The following KANSL1 variants were observed in gnomAD, a reference collection of about 807,000 sequenced individuals.
The protein encoded by KANSL1 is KAT8 regulatory NSL complex subunit 1.
Under a neutral mutation model 103.6 loss-of-function variants are expected in KANSL1, and 22 were observed. That is an observed-to-expected ratio of 0.21 (90% CI 0.15 to 0.30). KANSL1 has a LOEUF of 0.30. Ranked by LOEUF, KANSL1 falls within the 10% of genes least tolerant of loss-of-function variation. The pLI is 1.00. For synonymous variants in KANSL1, 600 were observed against 527.6 expected, an observed-to-expected ratio of 1.14 and a Z score of -1.88; for missense variants, 1,337 against 1,399.8, an observed-to-expected ratio of 0.96 and a Z score of 0.72.
At chr17:46,071,102 A>G (rs1046052132) in intron 4 of KANSL1, among the ~76,000 whole-genome samples, 11 of 152,220 alleles carry the variant, frequency 7.2e-5, no homozygotes, top group African/African-American at 2.2e-4. Flanking sequence ...TTTAAATGCT[A>G]TTCAGCTTTA....
intron 2 of KANSL1, among the ~76,000 whole-genome samples, chr17:46,168,895 C>T (rs1425901855): frequency 1.3e-5 from 2 of 152,188 alleles, no homozygotes; most frequent in African/African-American, 4.8e-5. Flanking sequence ...GAATGAATGG[C>T]CTTAAGGTTT....
At chr17:46,135,135 AAGCAC>A (rs2044061931) in intron 2 of KANSL1, among the ~76,000 whole-genome samples, 1 of 151,648 alleles carries the variant, frequency 6.6e-6, no homozygotes, top group Admixed American at 6.6e-5. Context: ...TTTTTTGAAG[AAGCAC>A]AGGGAGAAAT....
intron 2 of KANSL1, among the ~76,000 whole-genome samples, chr17:46,162,488 C>T (rs1376109997): frequency 2.0e-5 from 3 of 152,236 alleles, no homozygotes; most frequent in Non-Finnish European, 4.4e-5. Flanking sequence ...TCATCTGCTC[C>T]TTCTCCATCT....
At chr17:46,116,615 G>A (rs1461910142) in intron 2 of KANSL1, among the ~76,000 whole-genome samples, 1 of 152,208 alleles carries the variant, frequency 6.6e-6, no homozygotes, top group African/African-American at 2.4e-5. Context: ...AGTAGATCAG[G>A]AAGGAATAAT....
At chr17:46,200,433 A>C (rs891892859) in intron 1 of KANSL1, among the ~76,000 whole-genome samples, 3 of 152,212 alleles carry the variant, frequency 2.0e-5, no homozygotes, top group African/African-American at 4.8e-5. Flanking sequence ...TGTACAAGGC[A>C]AAACACACCT....
intron 3 of KANSL1, among the ~76,000 whole-genome samples, chr17:46,087,386 A>C (rs1354146997): frequency 1.3e-5 from 2 of 152,208 alleles, no homozygotes; most frequent in Non-Finnish European, 2.9e-5. Flanking sequence ...TCACACCAAA[A>C]AGGATGAAAA....
At chr17:46,149,898 T>C (rs1311186413) in intron 2 of KANSL1, among the ~76,000 whole-genome samples, 2 of 151,656 alleles carry the variant, frequency 1.3e-5, no homozygotes, top group African/African-American at 4.9e-5. Flanking sequence ...GGCGGGCGCC[T>C]GTAATCCCAG....
chr17:46,203,670 C>T (rs1358107641), intron 1 of KANSL1, among the ~76,000 whole-genome samples: 1 of 152,214 alleles, frequency 6.6e-6, no homozygotes, highest in Non-Finnish European at 1.5e-5. Context: ...GCTTCCAATT[C>T]CATTTTCTTC....
In KANSL1 at chr17:46,172,113, C is replaced by T. The variant is rs775472991; in HGVS notation, c.31G>A (p.Ala11Thr). 1.5e-5 allele frequency: 24 copies of T among 1,609,604 alleles called. No homozygotes were observed. Among genetic ancestry groups the T allele is most frequent in the East Asian group, 1.1e-4 (5 of 44,896 alleles). ...CGGATATGGTGTGCTTCAGCTGCTG[C>T]GTCAGTGAGAGCGGGCGCCATCGCA... MAAMAPALTD[A>T]AAEAHHIRFK... The change falls in exon 2 of 15, where the codon GCA (alanine) becomes ACA (threonine). Residue 11 changes from alanine (A) to threonine (T), a missense_variant. Coordinates refer to ENST00000432791, the MANE Select transcript of KANSL1 (RefSeq NM_015443.4).
intron 6 of KANSL1, among the ~76,000 whole-genome samples, chr17:46,052,509 G>T (rs1195551727): frequency 1.3e-5 from 2 of 152,082 alleles, no homozygotes; most frequent in African/African-American, 4.8e-5. Context: ...GGAGGCTGAG[G>T]CAGGAGAATC....
chr17:46,083,202 A>T (rs537504926), intron 3 of KANSL1, among the ~76,000 whole-genome samples: 1 of 152,312 alleles, frequency 6.6e-6, no homozygotes, highest in East Asian at 1.9e-4. Context: ...CCCATTGTAC[A>T]TATAATGAGC....
intron 1 of KANSL1, among the ~76,000 whole-genome samples, chr17:46,220,275 G>A (rs1002116797): frequency 8.7e-5 from 13 of 150,184 alleles, no homozygotes; most frequent in Admixed American, 6.6e-4. Flanking sequence ...GGAGTGCAGT[G>A]GCACGATCTC....
At position 46,143,742 on chromosome 17, in the gene KANSL1, T is replaced by G. The variant is rs1030085618; in HGVS notation, c.1289+27113A>C. Among the ~76,000 whole-genome samples the G allele has an allele frequency of 2.8e-5, 4 of 144,562 alleles. No homozygotes were observed. The East Asian group carries it at 8.2e-4, about 30-fold the overall frequency. The allele number at this position is 144,562 out of a possible 152,430, so 94.8% of individuals were successfully genotyped here. A position where few individuals can be genotyped will look rare whatever the true frequency, so the allele number is the denominator to read the frequency against. The stretch of plus-strand genomic sequence containing the variant: ...TGGCGTGAACCCAGGAGGCAGAGCT[T>G]GCAGTGAGCCGAGATCACGCCACTG... On this transcript the variant is annotated intron_variant, in intron 2 of 14. Transcript: ENST00000432791.
chr17:46,147,239 G>A (rs958740453), intron 2 of KANSL1, among the ~76,000 whole-genome samples: 2 of 152,134 alleles, frequency 1.3e-5, no homozygotes, highest in Admixed American at 6.5e-5. Flanking sequence ...TCGTATTACT[G>A]GTTTAAAATT....
intron 1 of KANSL1, among the ~76,000 whole-genome samples, chr17:46,199,861 C>A (rs185729647): frequency 6.6e-6 from 1 of 152,336 alleles, no homozygotes. Context: ...AATTATATCA[C>A]TGAAAGAAAC....
intron 2 of KANSL1, among the ~76,000 whole-genome samples, chr17:46,167,694 C>T (rs1160122086): frequency 6.6e-6 from 1 of 152,184 alleles, no homozygotes; most frequent in Non-Finnish European, 1.5e-5. Flanking sequence ...TTAAAAAACT[C>T]TCTCTAAAGT....
Position 46,047,718 on chromosome 17 carries a change from G to A in KANSL1, c.2020+2815C>T, listed in dbSNP as rs1248849150. 2.0e-5 allele frequency among the ~76,000 whole-genome samples: 3 copies of A among 150,980 alleles called. No homozygotes were observed. In the East Asian group the frequency reaches 5.8e-4, roughly 29 times the overall value. On this transcript the variant is annotated intron_variant, in intron 7 of 14. Transcript: ENST00000432791. Reference sequence around the variant, plus strand: ...GGGAGGACTGTTTAGAGCCCAGGAAGTCAAGGTTGCAGTGAGCTGTGATCA... The same window carrying A: ...GGGAGGACTGTTTAGAGCCCAGGAAATCAAGGTTGCAGTGAGCTGTGATCA...
intron 2 of KANSL1, among the ~76,000 whole-genome samples, chr17:46,125,035 GGGAGGGAGGGAGGAGGGAGGGA>G (rs1306751658): frequency 0.029 from 1,678 of 58,238 alleles, 125 homozygotes; most frequent in African/African-American, 0.092. Flanking sequence ...AGGGGAGGTA[GGGAGGGAGGGAGGAGGGAGGGA>G]GGAGGGAGGG....
At chr17:46,182,880 G>A (rs1031699052) in intron 1 of KANSL1, among the ~76,000 whole-genome samples, 4 of 152,204 alleles carry the variant, frequency 2.6e-5, no homozygotes, top group African/African-American at 7.2e-5. Flanking sequence ...CTGCCTGACA[G>A]TAAATTCTGA....
Sources: allele counts gnomAD v4.1 joint callset (sites outside exome capture counted in the v4.1 genomes callset), GRCh38; gene constraint gnomAD v4.1.1; transcripts MANE v1.5; gene names NCBI Gene and HGNC (gene_info 2026-07-23, HGNC 2026-07-21).